The following ZNF678 variants were observed in gnomAD, a reference collection of about 807,000 sequenced individuals.
ZNF678 encodes the protein zinc finger protein 678.
Under a neutral mutation model 3.0 loss-of-function variants are expected in ZNF678, and 5 were observed. That is an observed-to-expected ratio of 1.69 (90% CI 0.88 to 3.56). The LOEUF is 3.56. Among genes scored for constraint, ZNF678 ranks in the 30% most tolerant of loss-of-function variants. The probability of loss-of-function intolerance (pLI) is 0.00; values close to 1 mark genes in which losing one functional copy is unlikely to be tolerated. For missense variants in ZNF678, 593 were observed against 605.0 expected, an observed-to-expected ratio of 0.98 and a Z score of 0.21; for synonymous variants, 218 against 199.6, an observed-to-expected ratio of 1.09 and a Z score of -0.78.
chr1:227,619,107 C>T (rs1454247746), intron 1 of ZNF678, among the ~76,000 whole-genome samples: 3 of 152,138 alleles, frequency 2.0e-5, no homozygotes, highest in Non-Finnish European at 4.4e-5. Flanking sequence ...TTAATTATCC[C>T]CACCAGACCC....
At chr1:227,674,499 A>G (rs1303273094) in intron 5 of ZNF678, among the ~76,000 whole-genome samples, 1 of 152,044 alleles carries the variant, frequency 6.6e-6, no homozygotes, top group Non-Finnish European at 1.5e-5. Flanking sequence ...GTCACACCTC[A>G]TGAAACTGTG....
chr1:227,624,196 T>C (rs1025630611), intron 1 of ZNF678, among the ~76,000 whole-genome samples: 8 of 152,196 alleles, frequency 5.3e-5, no homozygotes, highest in African/African-American at 1.7e-4. Flanking sequence ...ATTCAATACA[T>C]TGAAATATTT....
At chr1:227,652,777 A>G (rs1164498117) in intron 3 of ZNF678, among the ~76,000 whole-genome samples, 1 of 152,154 alleles carries the variant, frequency 6.6e-6, no homozygotes, top group Non-Finnish European at 1.5e-5. Context: ...ATTGTAGAGC[A>G]TAAGTAAAAG....
At chr1:227,605,746 C>G (rs1657851471) in intron 1 of ZNF678, among the ~76,000 whole-genome samples, 1 of 151,756 alleles carries the variant, frequency 6.6e-6, no homozygotes, top group Admixed American at 6.6e-5. Context: ...ATTTGATAAA[C>G]AAAAAATGTC....
intron 1 of ZNF678, among the ~76,000 whole-genome samples, chr1:227,602,951 G>A (rs1657771671): frequency 1.3e-5 from 2 of 152,174 alleles, no homozygotes; most frequent in African/African-American, 2.4e-5. Context: ...TGTGATGATT[G>A]TACCTGTAAG....
At chr1:227,639,251 G>A (rs1377054637) in intron 1 of ZNF678, among the ~76,000 whole-genome samples, 2 of 152,226 alleles carry the variant, frequency 1.3e-5, no homozygotes, top group Non-Finnish European at 2.9e-5. Flanking sequence ...AGGTGGAGGT[G>A]GATTGCTAGG....
intron 1 of ZNF678, among the ~76,000 whole-genome samples, chr1:227,570,845 A>C (rs1455116692): frequency 6.6e-6 from 1 of 152,150 alleles, no homozygotes; most frequent in Non-Finnish European, 1.5e-5. Flanking sequence ...ATTGTGTAAA[A>C]AGTAAATTAG....
At position 227,672,389 on chromosome 1, in the gene ZNF678, CT is replaced by C. The variant is rs535325062; in HGVS notation, c.227-4788del. Among the ~76,000 whole-genome samples the C allele has an allele frequency of 3.0e-3, 458 of 152,122 alleles. 9 individuals are homozygous for C. The highest frequency in any genetic ancestry group is 0.027 in the Admixed American group (416 of 15,264). Reference sequence around the variant, plus strand: ...GGGAAGACGAAGGGCCCATAATAAGCTTCAGGTTTGAGCCTGAGTGATTGGG... The same window carrying C: ...GGGAAGACGAAGGGCCCATAATAAGCTCAGGTTTGAGCCTGAGTGATTGGG... On this transcript the variant is annotated intron_variant, in intron 5 of 5. Coordinates refer to the ZNF678 transcript ENST00000608949.
chr1:227,641,015 G>A (rs6659012), intron 1 of ZNF678, among the ~76,000 whole-genome samples: 34,948 of 152,186 alleles, frequency 0.23, 4,634 homozygotes, highest in African/African-American at 0.36. Context: ...TTTTCAGACC[G>A]GAGAAATCAA....
At chr1:227,577,036 TATGGTTTTGA>T (rs764431099) in intron 1 of ZNF678, among the ~76,000 whole-genome samples, 1 of 152,164 alleles carries the variant, frequency 6.6e-6, no homozygotes, top group Non-Finnish European at 1.5e-5. Context: ...CATGTAATTA[TATGGTTTTGA>T]ATGGTTTTGA....
intron 1 of ZNF678, among the ~76,000 whole-genome samples, chr1:227,607,136 CTT>C (rs1478219286): frequency 6.6e-6 from 1 of 152,160 alleles, no homozygotes; most frequent in Non-Finnish European, 1.5e-5. Context: ...GATTTAATCT[CTT>C]TATTTATTAG....
At chr1:227,649,291 G>A (rs904181815) in intron 2 of ZNF678, among the ~76,000 whole-genome samples, 9 of 151,986 alleles carry the variant, frequency 5.9e-5, no homozygotes, top group Admixed American at 1.3e-4. Flanking sequence ...TTTTTATAAC[G>A]ACTTCACCAA....
rs971160647 is a variant in ZNF678 at position 227,635,595 on chromosome 1, T to G, written c.-163-10949T>G. Among the ~76,000 whole-genome samples the G allele has an allele frequency of 5.4e-5, 8 of 146,840 alleles. No homozygotes were observed. In the Admixed American group the frequency reaches 5.5e-4, roughly 10 times the overall value. The stretch of plus-strand genomic sequence containing the variant: ...CATGCTGTTTTAATGAGCACCTGAG[T>G]GCCGGCAGGCTGAGGCCTAAAATGG... On this transcript the variant is annotated intron_variant, in intron 1 of 3. Coordinates refer to ENST00000343776, the MANE Select transcript of ZNF678 (RefSeq NM_001367909.1).
chr1:227,573,726 A>G (rs1656915905), intron 1 of ZNF678, among the ~76,000 whole-genome samples: 2 of 108,456 alleles, frequency 1.8e-5, no homozygotes, highest in South Asian at 5.6e-4. Context: ...TTACATAGGT[A>G]AGCTTGTGTC....
chr1:227,588,367 C>T (rs1431291397), intron 1 of ZNF678, among the ~76,000 whole-genome samples: 2 of 152,068 alleles, frequency 1.3e-5, no homozygotes, highest in Non-Finnish European at 2.9e-5. Flanking sequence ...ATTGTTGAGT[C>T]AAGTGGTATT....
intron 1 of ZNF678, among the ~76,000 whole-genome samples, chr1:227,609,006 C>T (rs556027621): frequency 2.0e-4 from 31 of 152,110 alleles, no homozygotes; most frequent in African/African-American, 7.2e-4. Context: ...AGGAAATCAA[C>T]CACCAGAATA....
At chr1:227,573,817 C>T (rs559913031) in intron 1 of ZNF678, among the ~76,000 whole-genome samples, 2 of 152,266 alleles carry the variant, frequency 1.3e-5, no homozygotes, top group South Asian at 2.1e-4. Flanking sequence ...GATTCTCTCC[C>T]TCCTCCCACT....
chr1:227,641,310 G>A (rs1417734490), intron 1 of ZNF678, among the ~76,000 whole-genome samples: 4 of 152,284 alleles, frequency 2.6e-5, no homozygotes, highest in East Asian at 1.9e-4. Flanking sequence ...TTTAATGAGC[G>A]CCTGGATGCA....
chr1:227,642,384 C>A (rs1245191291), intron 1 of ZNF678, among the ~76,000 whole-genome samples: 1 of 152,134 alleles, frequency 6.6e-6, no homozygotes, highest in Non-Finnish European at 1.5e-5. Context: ...TTCAGCAGGA[C>A]CTGGAAGAAT....
Sources: allele counts gnomAD v4.1 joint callset (sites outside exome capture counted in the v4.1 genomes callset), GRCh38; gene constraint gnomAD v4.1.1; transcripts MANE v1.5; gene names NCBI Gene and HGNC (gene_info 2026-07-23, HGNC 2026-07-21).